Variants in DTD1 observed in about 807,000 individuals in gnomAD.
DTD1 encodes D-aminoacyl-tRNA deacylase 1.
Under a neutral mutation model 25.6 loss-of-function variants are expected in DTD1, and 13 were observed. That is an observed-to-expected ratio of 0.51 (90% CI 0.33 to 0.81). DTD1 has a LOEUF of 0.81. Ranked by LOEUF, DTD1 falls within the 30% of genes least tolerant of loss-of-function variation. The pLI, the probability that DTD1 is intolerant of heterozygous loss-of-function variation, is 0.02. For missense variants in DTD1, 193 were observed against 266.4 expected (o/e 0.72, Z 1.92); for synonymous variants, 110 against 103.6 (o/e 1.06, Z -0.37).
chr20:18,648,044 C>T (rs1166734779), intron 4 of DTD1, among the ~76,000 whole-genome samples: 1 of 152,170 alleles, frequency 6.6e-6, no homozygotes, highest in Non-Finnish European at 1.5e-5. Flanking sequence ...TCTCTTTGTT[C>T]ACCTGATCCC....
chr20:18,598,328 T>C (rs6081241), intron 3 of DTD1, among the ~76,000 whole-genome samples: 77,539 of 151,960 alleles, frequency 0.51, 20,157 homozygotes, highest in Middle Eastern at 0.56. Context: ...TTATGGCTCA[T>C]TGTATTCCAT....
At chr20:18,695,597 C>T (rs2061072940) in intron 4 of DTD1, among the ~76,000 whole-genome samples, 1 of 42,458 alleles carries the variant, frequency 2.4e-5, no homozygotes, top group Non-Finnish European at 4.6e-5. Flanking sequence ...CTCCCCTCCC[C>T]TCCCCTCCCC....
intron 4 of DTD1, among the ~76,000 whole-genome samples, chr20:18,734,840 TA>T (rs2061250055): frequency 6.6e-6 from 1 of 152,216 alleles, no homozygotes; most frequent in African/African-American, 2.4e-5. Context: ...GATAAATTTC[TA>T]AAGCTATTGA....
chr20:18,714,423 A>C (rs575412579), intron 4 of DTD1, among the ~76,000 whole-genome samples: 6 of 152,310 alleles, frequency 3.9e-5, no homozygotes, highest in Admixed American at 2.6e-4. Context: ...CTATGGGGAT[A>C]ATTCTCTTTT....
At chr20:18,609,396 C>A (rs117886824) in intron 3 of DTD1, among the ~76,000 whole-genome samples, 7,981 of 152,136 alleles carry the variant, frequency 0.052, 284 homozygotes, top group South Asian at 0.096. Flanking sequence ...AAGCAATCTA[C>A]CTGACATGGC....
At chr20:18,760,618 G>A (rs1020938926) in intron 5 of DTD1, among the ~76,000 whole-genome samples, 12 of 152,122 alleles carry the variant, frequency 7.9e-5, no homozygotes, top group African/African-American at 1.4e-4. Context: ...AGGAGTACCC[G>A]GCCGTGTGAG....
intron 4 of DTD1, among the ~76,000 whole-genome samples, chr20:18,658,835 A>G (rs1403469325): frequency 2.0e-5 from 3 of 152,236 alleles, no homozygotes; most frequent in African/African-American, 7.2e-5. Flanking sequence ...GGGGTGGGAC[A>G]CTGATTAGCA....
intron 4 of DTD1, 35 bp from the exon 5 acceptor site, chr20:18,744,065 T>C: frequency 6.5e-7 from 1 of 1,543,760 alleles, no homozygotes; most frequent in Non-Finnish European, 8.7e-7. Context: ...GTGTTTGTGT[T>C]TGTAAAATAT....
intron 4 of DTD1, among the ~76,000 whole-genome samples, chr20:18,739,416 A>G (rs969218038): frequency 2.6e-5 from 4 of 152,192 alleles, no homozygotes; most frequent in Non-Finnish European, 5.9e-5. Context: ...GGCTGACCAC[A>G]GGATCATCAC....
At chr20:18,666,949 C>T (rs2122382078) in intron 4 of DTD1, among the ~76,000 whole-genome samples, 1 of 152,136 alleles carries the variant, frequency 6.6e-6, no homozygotes, top group South Asian at 2.1e-4. Flanking sequence ...GTGGGAGGGG[C>T]AGGGAAGAAG....
In DTD1 at chr20:18,757,324, G is replaced by A. The variant is rs1303831084; in HGVS notation, c.*20-6036G>A. Reference sequence around the variant, plus strand: ...CAACACTATGTTGAATAGGAGTGGTGAGAGAGGGCATCCCTGTCTTGTGTG... The same window carrying A: ...CAACACTATGTTGAATAGGAGTGGTAAGAGAGGGCATCCCTGTCTTGTGTG... On this transcript the variant is annotated intron_variant, in intron 5 of 5. Transcript: ENST00000377452. Among the ~76,000 whole-genome samples the A allele has an allele frequency of 3.3e-5, 5 of 152,344 alleles. No homozygotes were observed. The East Asian group carries it at 5.8e-4, about 18-fold the overall frequency.
At chr20:18,730,664 T>G (rs949597438) in intron 4 of DTD1, among the ~76,000 whole-genome samples, 23 of 152,256 alleles carry the variant, frequency 1.5e-4, no homozygotes, top group African/African-American at 5.3e-4. Flanking sequence ...TCTTCTCGTT[T>G]GCATTTTATA....
chr20:18,663,157 T>A (rs1376577606), intron 4 of DTD1, among the ~76,000 whole-genome samples: 1 of 152,188 alleles, frequency 6.6e-6, no homozygotes, highest in East Asian at 1.9e-4. Flanking sequence ...CATCCAAGTT[T>A]CATGGGATGC....
chr20:18,632,658 T>C, intron 4 of DTD1: 1 of 983,614 alleles, frequency 1.0e-6, no homozygotes, highest in Non-Finnish European at 1.2e-6. Flanking sequence ...TACAATTACA[T>C]TAAAGAAAAA....
At chr20:18,648,229 G>A (rs937135025) in intron 4 of DTD1, among the ~76,000 whole-genome samples, 3 of 152,218 alleles carry the variant, frequency 2.0e-5, no homozygotes, top group African/African-American at 7.2e-5. Context: ...GTGGGCAGGT[G>A]TGCTTAGTAC....
At chr20:18,708,294 T>TA (rs2061141601) in intron 4 of DTD1, among the ~76,000 whole-genome samples, 4 of 60,904 alleles carry the variant, frequency 6.6e-5, no homozygotes, top group South Asian at 4.4e-4. Context: ...ATTATATATA[T>TA]ATAATATATA....
intron 4 of DTD1, among the ~76,000 whole-genome samples, chr20:18,733,200 G>GA (rs2061244560): frequency 6.6e-6 from 1 of 152,152 alleles, no homozygotes. Context: ...GGAGGGTGGG[G>GA]TTCTTAGCAC....
rs141855161 is a variant in DTD1, at chr20:18,595,501, C to A, written c.135-505C>A. 1.3e-4 allele frequency among the ~76,000 whole-genome samples: 20 copies of A among 152,274 alleles called. No individual in the cohort carries two copies. In the East Asian group the frequency reaches 3.7e-3, roughly 28 times the overall value. On this transcript the variant is annotated intron_variant, in intron 2 of 5. Coordinates refer to ENST00000377452, the MANE Select transcript of DTD1 (RefSeq NM_080820.6). ...GCTAGGCTGGTCTTGAACTCCTGAACTCAGGTGATCCACCCACTGTGGCCT... is the reference window on the plus strand; with the variant it reads ...GCTAGGCTGGTCTTGAACTCCTGAAATCAGGTGATCCACCCACTGTGGCCT...
chr20:18,601,498 C>CAAAA (rs1175102426), intron 3 of DTD1, among the ~76,000 whole-genome samples: 1 of 110,598 alleles, frequency 9.0e-6, no homozygotes, highest in African/African-American at 3.5e-5. Flanking sequence ...GACTCTGTCT[C>CAAAA]AAAAAAAAAA....
Sources: allele counts gnomAD v4.1 joint callset (sites outside exome capture counted in the v4.1 genomes callset), GRCh38; gene constraint gnomAD v4.1.1; transcripts MANE v1.5; gene names NCBI Gene and HGNC (gene_info 2026-07-23, HGNC 2026-07-21).